Variants in MTAP observed in about 807,000 individuals in gnomAD.
MTAP encodes methylthioadenosine phosphorylase.
Under a neutral mutation model 33.6 loss-of-function variants are expected in MTAP, and 33 were observed. That is an observed-to-expected ratio of 0.98 (90% confidence interval 0.74 to 1.31). The LOEUF (loss-of-function observed/expected upper bound fraction) is 1.31, where lower values mean the gene tolerates loss of function less well. MTAP is among the 40% of genes most tolerant of loss of function. The pLI is 0.00. For missense variants in MTAP, 367 were observed against 360.0 expected, an observed-to-expected ratio of 1.02 and a Z score of -0.16; for synonymous variants, 148 against 125.7, an observed-to-expected ratio of 1.18 and a Z score of -1.19.
At chr9:21,831,575 C>T (rs1421429662) in intron 4 of MTAP, among the ~76,000 whole-genome samples, 10 of 152,052 alleles carry the variant, frequency 6.6e-5, no homozygotes, top group Admixed American at 6.6e-4. Context: ...AGTCTTCCTG[C>T]TTTGGCCTCC....
chr9:21,931,046 T>C, exon 2 of MTAP: 1 of 764,500 alleles, frequency 1.3e-6, no homozygotes. Context: ...AGGGATACCA[T>C]CCTTTCAATA....
At chr9:21,840,257 C>T (rs563845860) in intron 5 of MTAP, among the ~76,000 whole-genome samples, 59 of 151,792 alleles carry the variant, frequency 3.9e-4, no homozygotes, top group African/African-American at 1.2e-3. Context: ...ACAGGGCTAA[C>T]GTGCAGCTTC....
chr9:21,853,265 G>A (rs73649993), intron 5 of MTAP, among the ~76,000 whole-genome samples: 3,905 of 152,172 alleles, frequency 0.026, 163 homozygotes, highest in African/African-American at 0.089. Context: ...TTGAACCAGC[G>A]GGAGTGGGCT....
intron 1 of MTAP, among the ~76,000 whole-genome samples, chr9:21,903,826 G>A (rs1818429065): frequency 6.6e-6 from 1 of 152,180 alleles, no homozygotes; most frequent in Non-Finnish European, 1.5e-5. Context: ...TACAGCTCCT[G>A]AAGCCCTAGT....
chr9:21,929,941 CG>C, intron 1 of MTAP: 1 of 424,776 alleles, frequency 2.4e-6, no homozygotes. Context: ...GAACATACAC[CG>C]AAAACCAATT....
intron 5 of MTAP, among the ~76,000 whole-genome samples, chr9:21,841,417 A>T (rs1162426604): frequency 1.3e-5 from 2 of 152,246 alleles, no homozygotes; most frequent in Non-Finnish European, 2.9e-5. Flanking sequence ...CTGGCTAACC[A>T]GAGATCCTGA....
intron 1 of MTAP, chr9:21,803,336 A>C: frequency 1.8e-5 from 3 of 168,328 alleles, no homozygotes; most frequent in Non-Finnish European, 2.5e-5. Context: ...TTTCCTCCAA[A>C]CGTAGGCCTT....
chr9:21,936,478 A>T (rs1819043100), exon 8 of MTAP: 1 of 152,248 alleles, frequency 6.6e-6, no homozygotes, highest in East Asian at 1.9e-4. Context: ...TAAATTAGAT[A>T]ATGGACATTT....
At chr9:21,904,347 C>T (rs997986946) in intron 1 of MTAP, among the ~76,000 whole-genome samples, 11 of 152,214 alleles carry the variant, frequency 7.2e-5, no homozygotes, top group African/African-American at 2.7e-4. Context: ...ACAAAAATGC[C>T]TGTCCTCGCC....
chr9:21,817,708 A>C (rs1329241255), intron 3 of MTAP, among the ~76,000 whole-genome samples: 6 of 152,002 alleles, frequency 3.9e-5, no homozygotes, highest in African/African-American at 1.4e-4. Flanking sequence ...GGTAGAGCCT[A>C]ATCGTGGGAG....
chr9:21,833,971 T>A (rs2118272744), intron 4 of MTAP, among the ~76,000 whole-genome samples: 1 of 152,306 alleles, frequency 6.6e-6, no homozygotes, highest in South Asian at 2.1e-4. Context: ...GCACACATCA[T>A]TTTGTCTCCT....
chr9:21,840,316 C>T (rs1825213091), intron 5 of MTAP, among the ~76,000 whole-genome samples: 1 of 152,050 alleles, frequency 6.6e-6, no homozygotes, highest in Admixed American at 6.5e-5. Context: ...TCTTTTGTTC[C>T]AAGAACCACT....
At chr9:21,822,413 C>G (rs201069914) in intron 4 of MTAP, among the ~76,000 whole-genome samples, 1 of 152,096 alleles carries the variant, frequency 6.6e-6, no homozygotes, top group Non-Finnish European at 1.5e-5. Flanking sequence ...GGAGCAGGTT[C>G]TTCAATTTCC....
At chr9:21,826,881 T>C (rs1159905558) in intron 4 of MTAP, among the ~76,000 whole-genome samples, 2 of 152,032 alleles carry the variant, frequency 1.3e-5, no homozygotes, top group African/African-American at 4.8e-5. Context: ...CTCCCCATCC[T>C]GTCAGATCAG....
At chr9:21,916,199 C>T (rs1172957416) in intron 1 of MTAP, among the ~76,000 whole-genome samples, 1 of 151,972 alleles carries the variant, frequency 6.6e-6, no homozygotes, top group African/African-American at 2.4e-5. Flanking sequence ...TCATGTATAC[C>T]TGGAAACTGA....
chr9:21,871,322 A>C (rs762144624), downstream of MTAP, among the ~76,000 whole-genome samples: 2 of 152,218 alleles, frequency 1.3e-5, no homozygotes, highest in Non-Finnish European at 2.9e-5. Context: ...AGCTCCAAGC[A>C]GACCAGGCTC....
chr9:21,863,811 C>A lies in MTAP; in HGVS notation c.*1797C>A. The A allele has an allele frequency of 2.0e-6, 2 of 985,746 alleles. No homozygotes were observed. The highest frequency in any genetic ancestry group is 2.4e-6 in the Non-Finnish European group (2 of 829,912). 61.1% of individuals were successfully genotyped at this position (985,746 alleles called of 1,614,324 possible). ...TTGTTTGTGTCTCTGAGATTGACTTCAAGATAATAAGCTGCTAATTGTAAA... is the reference window on the plus strand; with the variant it reads ...TTGTTTGTGTCTCTGAGATTGACTTAAAGATAATAAGCTGCTAATTGTAAA... On this transcript the variant is annotated 3_prime_UTR_variant, in exon 8 of 8. Transcript: ENST00000644715.
At chr9:21,920,085 G>T (rs768763101) in intron 1 of MTAP, among the ~76,000 whole-genome samples, 1 of 152,160 alleles carries the variant, frequency 6.6e-6, no homozygotes, top group African/African-American at 2.4e-5. Context: ...AACAGGAAAT[G>T]GGTTAAGGAA....
At chr9:21,896,059 GTC>G (rs1563862673) in intron 1 of MTAP, among the ~76,000 whole-genome samples, 1 of 152,134 alleles carries the variant, frequency 6.6e-6, no homozygotes, top group Non-Finnish European at 1.5e-5. Context: ...ATAACAAACT[GTC>G]TCTCAGACCA....
Sources: allele counts gnomAD v4.1 joint callset (sites outside exome capture counted in the v4.1 genomes callset), GRCh38; gene constraint gnomAD v4.1.1; transcripts MANE v1.5; gene names NCBI Gene and HGNC (gene_info 2026-07-23, HGNC 2026-07-21).